Variants in SPTBN5 observed in about 807,000 individuals in gnomAD.
SPTBN5 encodes spectrin beta, non-erythrocytic 5.
A neutral mutation model predicts 477.6 loss-of-function variants in SPTBN5; 513 were observed. That is an observed-to-expected ratio of 1.07 (90% CI 1.00 to 1.16). SPTBN5 has a LOEUF of 1.16. Among genes scored for constraint, SPTBN5 ranks in the 50% most tolerant of loss-of-function variants. The pLI, the probability that SPTBN5 is intolerant of heterozygous loss-of-function variation, is 0.00. For synonymous variants in SPTBN5, 2,169 were observed against 2,011.7 expected (o/e 1.08, Z -2.09); for missense variants, 5,062 against 4,731.8 (o/e 1.07, Z -2.05).
In SPTBN5 at chr15:41,851,093, C is replaced by T; in HGVS notation, c.10801G>A (p.Gly3601Ser). 1 of 1,613,088 alleles carries T rather than the reference C, an allele frequency of 6.2e-7. No individual in the cohort carries two copies. Among genetic ancestry groups the T allele is most frequent in the Non-Finnish European group, 8.5e-7 (1 of 1,179,802 alleles). Residue 3601 changes from glycine to serine, a missense_variant, in exon 65 of 68, where the codon GGC becomes AGC. Coordinates refer to ENST00000320955, the MANE Select transcript of SPTBN5 (RefSeq NM_016642.4). ...AATGTGTGTTTCCTGCCGTGGCGGC[C>T]CCGCAGCCTCTCACACCGGGCTCCC... is the stretch of plus-strand genomic sequence containing the variant. ...LTGARCERLR[G>S]RHGRKHTFSL... is the part of the protein sequence containing the mutation.
intron 39 of SPTBN5, 31 bp downstream of exon 39, chr15:41,865,777 G>A (rs1300826480): frequency 7.1e-6 from 11 of 1,538,546 alleles, no homozygotes; most frequent in Admixed American, 3.9e-5. Flanking sequence ...CGGGATGCAT[G>A]GCCAACCTCT....
chr15:41,848,949 C>G (rs1485443040), intron 67 of SPTBN5, among the ~76,000 whole-genome samples: 1 of 152,110 alleles, frequency 6.6e-6, no homozygotes, highest in African/African-American at 2.4e-5. Flanking sequence ...AGGCCTGTCC[C>G]GTCAGCAACA....
At chr15:41,882,858 C>T (rs1411058308) in intron 9 of SPTBN5, 120 bp from the exon 10 acceptor site, 1 of 1,399,320 alleles carries the variant, frequency 7.1e-7, no homozygotes. Context: ...GATGACTCAA[C>T]AGGTGAGACG....
chr15:41,859,453 C>T (rs990624999), intron 47 of SPTBN5, among the ~76,000 whole-genome samples: 1 of 152,164 alleles, frequency 6.6e-6, no homozygotes, highest in African/African-American at 2.4e-5. Flanking sequence ...ACTACTGCAC[C>T]CAGCCTGTAC....
chr15:41,873,085 C>T (rs1298871235), intron 26 of SPTBN5, among the ~76,000 whole-genome samples: 9 of 152,068 alleles, frequency 5.9e-5, no homozygotes, highest in Non-Finnish European at 1.2e-4. Context: ...GGGAGGAGGT[C>T]GGCTTCATGA....
chr15:41,868,725 G>A (rs1288301936), intron 32 of SPTBN5, 124 bp from the exon 33 acceptor site: 9 of 886,358 alleles, frequency 1.0e-5, no homozygotes, highest in Non-Finnish European at 1.4e-5. Flanking sequence ...CTGGGTCAGG[G>A]CCTCGGGTGA....
intron 11 of SPTBN5, 57 bp from the exon 12 acceptor site, chr15:41,882,202 G>A (rs2066983466): frequency 2.7e-6 from 4 of 1,473,482 alleles, no homozygotes; most frequent in Admixed American, 2.3e-5. Flanking sequence ...GCGCGGGCAG[G>A]TGCTGGCACC....
At position 41,882,437 on chromosome 15, in the gene SPTBN5, G is replaced by A; in HGVS notation, c.2079C>T (p.Ala693=). The change falls in exon 11 of 68, where the codon GCC becomes GCT. Residue 693 remains alanine (A), a synonymous_variant. Coordinates refer to ENST00000320955, the MANE Select transcript of SPTBN5 (RefSeq NM_016642.4). ...CCCTCCGCACGAGATCTACGCACAC[G>A]GCCTGGTGGCGGTGGACCTCAGCTT... ...ALEAEVHRHQ[A]VCVDLVRRGR... 1.3e-6 allele frequency: 2 copies of A among 1,550,204 alleles called. No homozygotes were observed. Among genetic ancestry groups the A allele is most frequent in the South Asian group, 1.2e-5 (1 of 84,834 alleles).
In SPTBN5 at chr15:41,853,260, C is replaced by T; in HGVS notation, c.10168G>A (p.Glu3390Lys). The change falls in exon 59 of 68, where the codon GAG becomes AAG. Residue 3390 changes from glutamate (E) to lysine (K), a missense_variant and splice_region_variant. Transcript: ENST00000320955. ...LVDNSHFMSA[E>K]VTECLQELEG... ...AGGCCCACCCTCTGAGTTCACACCTCCGCAGACATGAAGTGGCTGTTGTCC... is the reference window on the plus strand; with the variant it reads ...AGGCCCACCCTCTGAGTTCACACCTTCGCAGACATGAAGTGGCTGTTGTCC... 1 of 1,598,112 alleles carries T rather than the reference C, an allele frequency of 6.3e-7. No individual in the cohort carries two copies. The highest frequency in any genetic ancestry group is 8.6e-7 in the Non-Finnish European group (1 of 1,169,132).
rs2066973307 is a variant in SPTBN5 at position 41,882,012 on chromosome 15, AGGAC to A, written c.2377_2380del (p.Val793CysfsTer27). On this transcript the variant is annotated frameshift_variant, in exon 12 of 68. Coordinates refer to ENST00000320955, the MANE Select transcript of SPTBN5 (RefSeq NM_016642.4). LOFTEE classifies it high-confidence loss of function. ...CCGCAGCTCGGCCGCGAAGGCGCGC[AGGAC>A]GCGCTCCAGCCGCACGTGGCGCCTC... 6.5e-7 allele frequency: 1 copy of A among 1,537,890 alleles called. No homozygotes were observed. The highest frequency in any genetic ancestry group is 8.7e-7 in the Non-Finnish European group (1 of 1,151,810).
Position 41,862,161 on chromosome 15 carries a change from C to T in SPTBN5, c.7517G>A (p.Arg2506Gln), listed in dbSNP as rs778820090. ...CTCCTGATGCTCTTCTAACATACGC[C>T]GGGCTTCCACAGGGCTGCGAGGAGC... is the stretch of plus-strand genomic sequence containing the variant. Reference protein sequence around the residue: ...SPAPRSPVEARRMLEEHQECK... With the variant: ...SPAPRSPVEAQRMLEEHQECK... Residue 2506 changes from arginine (R) to glutamine (Q), a missense_variant, in exon 44 of 68, where the codon CGG (arginine) becomes CAG (glutamine). Transcript: ENST00000320955. The T allele has an allele frequency of 4.9e-5, 79 of 1,597,820 alleles. No homozygotes were observed. Among genetic ancestry groups the T allele is most frequent in the African/African-American group, 6.7e-5 (5 of 74,534 alleles).
At position 41,866,962 on chromosome 15, in the gene SPTBN5, G is replaced by C. The variant is rs1374823457; in HGVS notation, c.6477C>G (p.Thr2159=). 1 of 1,574,866 alleles carries C rather than the reference G, an allele frequency of 6.3e-7. No homozygotes were observed. Among genetic ancestry groups the C allele is most frequent in the Non-Finnish European group, 8.6e-7 (1 of 1,160,810 alleles). ...LLMASFTQAA[T]QAEDWIQAWA... is the part of the protein sequence containing the mutation. ...TGGGCTGGGGGTGCCCTCTGACCTGGGTTGCGGCCTGGGTGAAGCTGGCCA... is the reference window on the plus strand; with the variant it reads ...TGGGCTGGGGGTGCCCTCTGACCTGCGTTGCGGCCTGGGTGAAGCTGGCCA... The change falls in exon 36 of 68, where the codon ACC becomes ACG. Residue 2159 remains threonine (T), a synonymous_variant. Transcript: ENST00000320955.
chr15:41,881,151 C>T lies in SPTBN5; in HGVS notation c.2541G>A (p.Gly847=), dbSNP rs1180787552. 2.5e-6 allele frequency: 4 copies of T among 1,613,518 alleles called. No individual in the cohort carries two copies. Among genetic ancestry groups the T allele is most frequent in the Non-Finnish European group, 3.4e-6 (4 of 1,179,848 alleles). ...CTGGGAGGGCCATCTTCCAGGCATC[C>T]CCAGGGCCAGGGTGGCAGGAAGCCT... ...WSEASCHPGP[G]DAWKMALPAE... The change falls in exon 13 of 68, where the codon GGG becomes GGA. Residue 847 remains glycine (G), a synonymous_variant. Transcript: ENST00000320955.
chr15:41,882,592 T>G lies in SPTBN5; in HGVS notation c.2039A>C (p.Lys680Thr). Reference protein sequence around the residue: ...DLSQIAGALQKHKALEAEVHR... With the variant: ...DLSQIAGALQTHKALEAEVHR... The stretch of plus-strand genomic sequence containing the variant: ...CGCTCGGGGAGCTGACACCTTGTGT[T>G]TCTGCAGGGCGCCTGCGATCTGGCT... The change falls in exon 10 of 68, where the codon AAA becomes ACA. Residue 680 changes from lysine (K) to threonine (T), a missense_variant. Lys to Thr is a moderately conservative substitution (Grantham distance 78, BLOSUM62 -1). Transcript: ENST00000320955. 1 of 1,601,264 alleles carries G rather than the reference T, an allele frequency of 6.2e-7. No individual in the cohort carries two copies. The highest frequency in any genetic ancestry group is 8.5e-7 in the Non-Finnish European group (1 of 1,175,328).
chr15:41,889,131 C>T (rs1025653651), intron 4 of SPTBN5, among the ~76,000 whole-genome samples: 1 of 152,208 alleles, frequency 6.6e-6, no homozygotes, highest in African/African-American at 2.4e-5. Flanking sequence ...CTGAAACTGG[C>T]CAGGGGCCTG....
chr15:41,863,011 G>T, intron 41 of SPTBN5, 108 bp from the exon 42 acceptor site: 1 of 1,006,842 alleles, frequency 9.9e-7, no homozygotes, highest in Non-Finnish European at 1.5e-6. Flanking sequence ...TCCCCAGCGT[G>T]ATTTCCTGGC....
At position 41,876,907 on chromosome 15, in the gene SPTBN5, C is replaced by T. The variant is rs2066756008; in HGVS notation, c.3753G>A (p.Arg1251=). The part of the protein sequence containing the change: ...REALSLLQQH[R]EFGRLLSTLG... Reference sequence around the variant, plus strand: ...GGGTGCTCAGGAGCCGCCCAAACTCCCGGTGCTGCTGCAGCAGGCTCAGGG... The same window carrying T: ...GGGTGCTCAGGAGCCGCCCAAACTCTCGGTGCTGCTGCAGCAGGCTCAGGG... The change falls in exon 19 of 68, where the codon CGG becomes CGA. Residue 1251 remains arginine, a synonymous_variant. Transcript: ENST00000320955. 4 of 1,610,274 alleles carry T rather than the reference C, an allele frequency of 2.5e-6. No individual in the cohort carries two copies. Among genetic ancestry groups the T allele is most frequent in the South Asian group, 2.2e-5 (2 of 90,858 alleles).
chr15:41,861,294 G>C, intron 46 of SPTBN5, 125 bp downstream of exon 46: 1 of 804,940 alleles, frequency 1.2e-6, no homozygotes. Context: ...ATGTGGCCCA[G>C]GGTGGGGAGA....
At chr15:41,893,232 G>A (rs780121057) in intron 2 of SPTBN5, 50 bp downstream of exon 2, 3 of 1,611,166 alleles carry the variant, frequency 1.9e-6, no homozygotes, top group Non-Finnish European at 2.5e-6. Flanking sequence ...ACTGGCCAGA[G>A]CTGGGGGCCT....
Sources: allele counts gnomAD v4.1 joint callset (sites outside exome capture counted in the v4.1 genomes callset), GRCh38; gene constraint gnomAD v4.1.1; transcripts MANE v1.5; gene names NCBI Gene and HGNC (gene_info 2026-07-23, HGNC 2026-07-21).